CSMD1: variants seen among roughly 807,000 people sequenced by gnomAD.
CSMD1 encodes the protein CUB and Sushi multiple domains 1.
Under a neutral mutation model 417.5 loss-of-function variants are expected in CSMD1, and 213 were observed. The observed-to-expected ratio is 0.51, with a 90% confidence interval of 0.46 to 0.57. The LOEUF (loss-of-function observed/expected upper bound fraction) is 0.57. Among genes scored for constraint, CSMD1 ranks in the 20% least tolerant of loss-of-function variants. CSMD1 has a pLI of 0.00. For synonymous variants in CSMD1, 2,862 were observed against 1,736.8 expected (o/e 1.65, Z -16.11); for missense variants, 6,923 against 4,529.7 (o/e 1.53, Z -15.17).
chr8:3,526,177 A>G (rs975723201), intron 10 of CSMD1, among the ~76,000 whole-genome samples: 4 of 152,140 alleles, frequency 2.6e-5, no homozygotes, highest in East Asian at 3.9e-4. Flanking sequence ...GGCATATATC[A>G]TATTTCTGAC....
intron 3 of CSMD1, among the ~76,000 whole-genome samples, chr8:4,071,902 A>C (rs910881559): frequency 6.6e-5 from 10 of 152,154 alleles, no homozygotes; most frequent in African/African-American, 2.4e-4. Flanking sequence ...TGCTCCACTT[A>C]GGCATAGCTC....
intron 2 of CSMD1, among the ~76,000 whole-genome samples, chr8:4,601,145 G>C (rs951362760): frequency 7.2e-5 from 11 of 152,050 alleles, no homozygotes; most frequent in Non-Finnish European, 1.2e-4. Context: ...AGTAGTGATA[G>C]GGTTTCTCCA....
At chr8:4,502,180 T>C (rs929778119) in intron 2 of CSMD1, among the ~76,000 whole-genome samples, 1 of 152,192 alleles carries the variant, frequency 6.6e-6, no homozygotes. Flanking sequence ...ACAGTAATCA[T>C]TCTTATGAAC....
chr8:4,537,560 T>C (rs1207806415), intron 2 of CSMD1, among the ~76,000 whole-genome samples: 1 of 152,220 alleles, frequency 6.6e-6, no homozygotes, highest in African/African-American at 2.4e-5. Flanking sequence ...AGTTTTCAAG[T>C]TGAAAACTTG....
intron 1 of CSMD1, among the ~76,000 whole-genome samples, chr8:4,917,860 C>T (rs1806176963): frequency 6.6e-6 from 1 of 152,086 alleles, no homozygotes; most frequent in Admixed American, 6.5e-5. Context: ...AAGACTGTAA[C>T]ATTTGAGATG....
At chr8:3,180,804 T>G (rs1350099377) in intron 37 of CSMD1, among the ~76,000 whole-genome samples, 1 of 151,906 alleles carries the variant, frequency 6.6e-6, no homozygotes, top group Non-Finnish European at 1.5e-5. Context: ...TAATTTTTTT[T>G]TGTATTATTA....
chr8:4,151,666 A>G (rs906265913), intron 3 of CSMD1, among the ~76,000 whole-genome samples: 3 of 152,230 alleles, frequency 2.0e-5, no homozygotes, highest in African/African-American at 7.2e-5. Flanking sequence ...TATTATGTCA[A>G]CATTATAGGT....
At chr8:3,840,881 A>G (rs1373774137) in intron 5 of CSMD1, among the ~76,000 whole-genome samples, 1 of 151,538 alleles carries the variant, frequency 6.6e-6, no homozygotes, top group Non-Finnish European at 1.5e-5. Context: ...TAATTTTTGT[A>G]TTTTTAGTAG....
intron 40 of CSMD1, among the ~76,000 whole-genome samples, chr8:3,145,195 G>C (rs1440885098): frequency 1.3e-5 from 2 of 152,072 alleles, no homozygotes; most frequent in African/African-American, 2.4e-5. Context: ...AAGCTGACCC[G>C]AGAGTAACAA....
Position 2,937,454 on chromosome 8 carries a change from A to AAAAAAAAAAAAAAAAAAC in CSMD1, c.*1130_*1131insGTTTTTTTTTTTTTTTTT, listed in dbSNP as rs1563163139. On this transcript the variant is annotated 3_prime_UTR_variant, in exon 70 of 70. Transcript: ENST00000635120. ...GTAAAAGACAAAAAAAAAAAAAAAC[A>AAAAAAAAAAAAAAAAAAC]AAAAAAAAACACTGCAAAAGGGAAG... 1 of 69,744 alleles carries AAAAAAAAAAAAAAAAAAC rather than the reference A, an allele frequency of 1.4e-5. No homozygotes were observed. Among genetic ancestry groups the AAAAAAAAAAAAAAAAAAC allele is most frequent in the African/African-American group, 5.6e-5 (1 of 17,846 alleles). 4.3% of individuals were successfully genotyped at this position (69,744 alleles called of 1,614,324 possible). A position where few individuals can be genotyped will look rare whatever the true frequency, so the allele number is the denominator to read the frequency against.
intron 36 of CSMD1, among the ~76,000 whole-genome samples, chr8:3,186,902 T>A (rs899209555): frequency 6.6e-6 from 1 of 152,216 alleles, no homozygotes. Context: ...GCTGTCATAT[T>A]GGCTACTTTT....
At chr8:4,410,478 A>T (rs1796590337) in intron 3 of CSMD1, among the ~76,000 whole-genome samples, 1 of 152,254 alleles carries the variant, frequency 6.6e-6, no homozygotes, top group Admixed American at 6.5e-5. Context: ...GTGTTTAAAT[A>T]GAAAGTCATC....
chr8:4,804,985 A>G (rs1383174988), intron 1 of CSMD1, among the ~76,000 whole-genome samples: 4 of 152,196 alleles, frequency 2.6e-5, no homozygotes, highest in Middle Eastern at 3.2e-3. Flanking sequence ...TTCCTGGTAA[A>G]CACATAGGAT....
intron 3 of CSMD1, among the ~76,000 whole-genome samples, chr8:4,167,649 C>T (rs756936985): frequency 3.3e-5 from 5 of 152,092 alleles, no homozygotes; most frequent in African/African-American, 1.2e-4. Flanking sequence ...TTGGAAGATA[C>T]AGATTGGCCA....
At chr8:4,199,959 G>C (rs377322040) in intron 3 of CSMD1, among the ~76,000 whole-genome samples, 1 of 152,252 alleles carries the variant, frequency 6.6e-6, no homozygotes, top group South Asian at 2.1e-4. Context: ...TAGAAAAAAA[G>C]ACCTGAATGA....
intron 6 of CSMD1, among the ~76,000 whole-genome samples, chr8:3,738,732 ATT>A (rs1323687280): frequency 2.0e-5 from 3 of 152,188 alleles, no homozygotes; most frequent in Non-Finnish European, 4.4e-5. Context: ...ACCAACCCTA[ATT>A]TCAAAGACAA....
intron 5 of CSMD1, among the ~76,000 whole-genome samples, chr8:3,789,404 GTAAGTTTTTTT>G (rs1799610351): frequency 6.3e-5 from 1 of 15,784 alleles, no homozygotes; most frequent in Non-Finnish European, 1.8e-4. Context: ...TTTTTTTTAA[GTAAGTTTTTTT>G]TTTTTAAGTA....
chr8:3,395,609 T>C (rs555458978), intron 17 of CSMD1, among the ~76,000 whole-genome samples: 25 of 152,360 alleles, frequency 1.6e-4, no homozygotes, highest in African/African-American at 5.8e-4. Flanking sequence ...ATTTTGACAA[T>C]TGTTTTAAAA....
At chr8:4,744,178 G>C (rs1415858071) in intron 1 of CSMD1, among the ~76,000 whole-genome samples, 1 of 151,862 alleles carries the variant, frequency 6.6e-6, no homozygotes, top group Non-Finnish European at 1.5e-5. Context: ...CGCAGTCCAG[G>C]CCAAACACAG....
Sources: gnomAD v4.1 joint callset for allele counts (sites outside exome capture counted in the v4.1 genomes callset) on GRCh38, gnomAD v4.1.1 for gene constraint, MANE v1.5 for transcripts, NCBI Gene and HGNC (gene_info 2026-07-23, HGNC 2026-07-21) for gene names.